CCNY: variants seen among roughly 807,000 people sequenced by gnomAD.
The protein encoded by CCNY is cyclin-Y.
CCNY carries 19 observed loss-of-function variants against 42.8 expected under a neutral mutation model. The observed-to-expected ratio is 0.44, with a 90% CI of 0.31 to 0.65. CCNY has a LOEUF of 0.65. Ranked by LOEUF, CCNY falls within the 30% of genes least tolerant of loss-of-function variation. The probability of loss-of-function intolerance (pLI) is 0.07; values close to 1 mark genes in which losing one functional copy is unlikely to be tolerated. For missense variants in CCNY, 370 were observed against 437.3 expected (o/e 0.85, Z 1.37); for synonymous variants, 165 against 162.7 (o/e 1.01, Z -0.11).
At chr10:35,537,092 C>T (rs1840901729) in intron 7 of CCNY, among the ~76,000 whole-genome samples, 1 of 152,162 alleles carries the variant, frequency 6.6e-6, no homozygotes, top group Non-Finnish European at 1.5e-5. Context: ...TGCCCTGCAT[C>T]CCAGCCACTC....
At chr10:35,266,019 G>A (rs7921820) in intron 3 of CCNY, among the ~76,000 whole-genome samples, 30,847 of 152,012 alleles carry the variant, frequency 0.2, 3,233 homozygotes, top group South Asian at 0.28. Context: ...TTGTTATGAA[G>A]AATAAAAGAT....
chr10:35,346,731 A>G (rs1430844967), intron 1 of CCNY, among the ~76,000 whole-genome samples: 1 of 152,114 alleles, frequency 6.6e-6, no homozygotes, highest in Admixed American at 6.5e-5. Context: ...GGCTTAAGTG[A>G]TCCTCCCACC....
At chr10:35,446,731 G>A (rs1838797294) in intron 1 of CCNY, among the ~76,000 whole-genome samples, 1 of 152,162 alleles carries the variant, frequency 6.6e-6, no homozygotes, top group African/African-American at 2.4e-5. Flanking sequence ...GACTGACAGT[G>A]CTGGGTTGCT....
chr10:35,521,309 T>C (rs981616801), intron 4 of CCNY, among the ~76,000 whole-genome samples: 1 of 152,182 alleles, frequency 6.6e-6, no homozygotes, highest in Non-Finnish European at 1.5e-5. Context: ...GCCTCTGAAG[T>C]TGGGCACTCC....
intron 3 of CCNY, among the ~76,000 whole-genome samples, chr10:35,307,161 C>G (rs1835616462): frequency 6.6e-6 from 1 of 152,194 alleles, no homozygotes; most frequent in Non-Finnish European, 1.5e-5. Flanking sequence ...ATGACGACAG[C>G]AAGCTCCCTC....
intron 3 of CCNY, among the ~76,000 whole-genome samples, chr10:35,515,264 G>A (rs1840403691): frequency 6.6e-6 from 1 of 152,182 alleles, no homozygotes; most frequent in Non-Finnish European, 1.5e-5. Context: ...TGAGACTAGG[G>A]CTCCGAGGGT....
chr10:35,426,109 G>A (rs765420144), intron 1 of CCNY, among the ~76,000 whole-genome samples: 1,448 of 111,758 alleles, frequency 0.013, 43 homozygotes, highest in Non-Finnish European at 0.018. Context: ...GGTCCAGCAC[G>A]CGCACACACA....
chr10:35,566,602 C>T (rs1841577486), intron 9 of CCNY, among the ~76,000 whole-genome samples: 1 of 151,876 alleles, frequency 6.6e-6, no homozygotes, highest in African/African-American at 2.4e-5. Flanking sequence ...CTTGGCCTCC[C>T]AAAGTGCTGG....
intron 1 of CCNY, among the ~76,000 whole-genome samples, chr10:35,355,415 G>C (rs918572418): frequency 2.0e-5 from 3 of 152,050 alleles, no homozygotes; most frequent in African/African-American, 7.2e-5. Flanking sequence ...GGTGGCTCCT[G>C]CCTTGTAGTC....
chr10:35,272,075 C>T (rs1392693811), intron 3 of CCNY, among the ~76,000 whole-genome samples: 1 of 152,198 alleles, frequency 6.6e-6, no homozygotes, highest in African/African-American at 2.4e-5. Flanking sequence ...CAACCTCCGC[C>T]TGCCAGGTTC....
Position 35,481,091 on chromosome 10 carries a change from T to A in CCNY, c.155-2313T>A, listed in dbSNP as rs114222694. The stretch of plus-strand genomic sequence containing the variant: ...GATGTATTTTCTATGCCTACACATA[T>A]TTTCCCCCAAAAGGGTATCATAATG... On this transcript the variant is annotated intron_variant, in intron 1 of 9. Coordinates refer to ENST00000374704, the MANE Select transcript of CCNY (RefSeq NM_145012.6). Among the ~76,000 whole-genome samples, 10 of 152,338 alleles carry A rather than the reference T, an allele frequency of 6.6e-5. No individual in the cohort carries two copies. In the South Asian group the frequency reaches 2.1e-3, roughly 32 times the overall value.
At chr10:35,329,409 A>T (rs185413804) in intron 3 of CCNY, among the ~76,000 whole-genome samples, 3,271 of 152,168 alleles carry the variant, frequency 0.021, 110 homozygotes, top group African/African-American at 0.065. Context: ...ATAAAAAAAA[A>T]TTTTTTCATC....
chr10:35,485,739 A>C (rs1484235374), intron 2 of CCNY, among the ~76,000 whole-genome samples: 1,597 of 133,558 alleles, frequency 0.012, 8 homozygotes, highest in African/African-American at 0.032. Flanking sequence ...AAAAAAAAAA[A>C]CAAAAAAAAA....
intron 3 of CCNY, among the ~76,000 whole-genome samples, chr10:35,270,709 G>A (rs923158787): frequency 1.3e-5 from 2 of 148,914 alleles, no homozygotes; most frequent in African/African-American, 5.0e-5. Flanking sequence ...TCTTAGACAT[G>A]GTCAGTTCTT....
chr10:35,413,397 G>A (rs1326472314), intron 1 of CCNY, among the ~76,000 whole-genome samples: 1 of 152,174 alleles, frequency 6.6e-6, no homozygotes, highest in East Asian at 1.9e-4. Context: ...TAGTGAAAGG[G>A]AAGATGATGT....
At chr10:35,384,127 G>C (rs1490184236) in intron 1 of CCNY, among the ~76,000 whole-genome samples, 1 of 152,082 alleles carries the variant, frequency 6.6e-6, no homozygotes, top group East Asian at 1.9e-4. Context: ...TAGCAGAATA[G>C]CTATATAAAC....
Position 35,535,613 on chromosome 10 carries a change from T to C in CCNY, c.579+5370T>C, listed in dbSNP as rs114769702. Among the ~76,000 whole-genome samples, 1,157 of 152,298 alleles carry C rather than the reference T, an allele frequency of 7.6e-3. 13 individuals are homozygous for C. Among genetic ancestry groups the C allele is most frequent in the African/African-American group, 0.027 (1,106 of 41,550 alleles). ...TGTACAAGGGCTTTGCACCTGAAGA[T>C]TCAGCCAACTGTAAAATGAAAATGT... On this transcript the variant is annotated intron_variant, in intron 7 of 9. Transcript: ENST00000374704.
In CCNY at chr10:35,571,080, A is replaced by G. The variant is rs187652948; in HGVS notation, c.*1910A>G. 2 of 152,340 alleles carry G rather than the reference A, an allele frequency of 1.3e-5. No homozygotes were observed. The highest frequency in any genetic ancestry group is 1.9e-4 in the East Asian group (1 of 5,196). The allele number at this position is 152,340 out of a possible 1,614,324, so 9.4% of individuals were successfully genotyped here. On this transcript the variant is annotated 3_prime_UTR_variant, in exon 10 of 10. Coordinates refer to ENST00000374704, the MANE Select transcript of CCNY (RefSeq NM_145012.6). Reference sequence around the variant, plus strand: ...AATATCATTTTATATTCCCTAATCTATATAGCTGAAAAAGGGTTGTATTTT... The same window carrying G: ...AATATCATTTTATATTCCCTAATCTGTATAGCTGAAAAAGGGTTGTATTTT...
At chr10:35,457,027 CG>C (rs372175433) in intron 1 of CCNY, among the ~76,000 whole-genome samples, 2 of 152,052 alleles carry the variant, frequency 1.3e-5, no homozygotes, top group Admixed American at 6.6e-5. Context: ...TCTGAAAATG[CG>C]GGGGGGAAAC....
Sources: allele counts gnomAD v4.1 joint callset (sites outside exome capture counted in the v4.1 genomes callset), GRCh38; gene constraint gnomAD v4.1.1; transcripts MANE v1.5; gene names NCBI Gene and HGNC (gene_info 2026-07-23, HGNC 2026-07-21).